LARP1B: variants seen among roughly 807,000 people sequenced by gnomAD.
The protein encoded by LARP1B is la-related protein 1B.
Under a neutral mutation model 114.2 loss-of-function variants are expected in LARP1B, and 76 were observed. That is an observed-to-expected ratio of 0.67 (90% confidence interval 0.55 to 0.81). LARP1B has a LOEUF of 0.81. Among genes scored for constraint, LARP1B ranks in the 30% least tolerant of loss-of-function variants. The pLI is 0.00. For synonymous variants in LARP1B, 345 were observed against 348.0 expected (o/e 0.99, Z 0.10); for missense variants, 1,014 against 1,075.8 (o/e 0.94, Z 0.80).
At chr4:128,100,795 C>CT (rs1302136098) in intron 8 of LARP1B, among the ~76,000 whole-genome samples, 1 of 149,396 alleles carries the variant, frequency 6.7e-6, no homozygotes, top group Non-Finnish European at 1.5e-5. Flanking sequence ...TTTTCATTTT[C>CT]TTTTCTTTTC....
chr4:128,108,856 C>G lies in LARP1B; in HGVS notation c.988+1543C>G, dbSNP rs907076196. ...GGTCAGTCAAGTTGGTAATGCCTGT[C>G]CATTAACCATTTATGCATACTAATA... On this transcript the variant is annotated intron_variant, in intron 9 of 19. Coordinates refer to ENST00000326639, the MANE Select transcript of LARP1B (RefSeq NM_018078.4). 4.1e-6 allele frequency: 4 copies of G among 977,566 alleles called. No individual in the cohort carries two copies. In the East Asian group the frequency reaches 4.5e-4, roughly 111 times the overall value. 60.6% of individuals were successfully genotyped at this position (977,566 alleles called of 1,614,324 possible).
chr4:128,146,812 G>T (rs533903156), intron 11 of LARP1B, among the ~76,000 whole-genome samples: 1 of 152,308 alleles, frequency 6.6e-6, no homozygotes, highest in East Asian at 1.9e-4. Context: ...CTGGATGAAA[G>T]AATTTTGAGA....
chr4:128,148,938 C>A (rs1440929970), intron 11 of LARP1B, among the ~76,000 whole-genome samples: 3 of 152,108 alleles, frequency 2.0e-5, no homozygotes, highest in Non-Finnish European at 4.4e-5. Flanking sequence ...GAGGCTAATA[C>A]TTAAAATAAT....
intron 8 of LARP1B, among the ~76,000 whole-genome samples, chr4:128,100,131 T>C (rs1280959141): frequency 2.0e-5 from 3 of 151,524 alleles, no homozygotes; most frequent in Non-Finnish European, 1.5e-5. Flanking sequence ...AGCTAATTTT[T>C]AAATATTTTT....
At chr4:128,065,273 CTTTCTTTCTT>C in intron 1 of LARP1B, among the ~76,000 whole-genome samples, 1 of 116,068 alleles carries the variant, frequency 8.6e-6, no homozygotes, top group Non-Finnish European at 1.9e-5. Context: ...TTCTTTCTTT[CTTTCTTTCTT>C]TCTTTCTTTC....
intron 15 of LARP1B, among the ~76,000 whole-genome samples, chr4:128,197,604 G>T (rs949166705): frequency 1.3e-5 from 2 of 152,044 alleles, no homozygotes. Context: ...TGAGGCAGGA[G>T]AATCGCTTGA....
Position 128,178,647 on chromosome 4 carries a change from A to G in LARP1B, c.1896+5A>G. ...CCAAAAGCCATTGATGTAAAGGTAT[A>G]CAAAACAACCAGGAATATAAGGCTT... is the stretch of plus-strand genomic sequence containing the variant. On this transcript the variant is annotated splice_donor_5th_base_variant and intron_variant, in intron 14 of 19. Coordinates refer to ENST00000326639, the MANE Select transcript of LARP1B (RefSeq NM_018078.4). The G allele has an allele frequency of 6.2e-7, 1 of 1,602,966 alleles. No homozygotes were observed. The highest frequency in any genetic ancestry group is 8.5e-7 in the Non-Finnish European group (1 of 1,170,272).
rs1396504473 is a variant in LARP1B at position 128,211,530 on chromosome 4, T to C, written c.*1477T>C. On this transcript the variant is annotated 3_prime_UTR_variant, in exon 20 of 20. Transcript: ENST00000326639. ...ATTTTGATGCTTTAAATTGCAGAAA[T>C]AGTCAAATTTGAATATTCAGAAAAT... The C allele has an allele frequency of 2.2e-6, 2 of 913,758 alleles. No individual in the cohort carries two copies. The highest frequency in any genetic ancestry group is 2.6e-6 in the Non-Finnish European group (2 of 764,834). 56.6% of individuals were successfully genotyped at this position (913,758 alleles called of 1,614,324 possible).
chr4:128,092,140 T>C (rs936402552), intron 7 of LARP1B, among the ~76,000 whole-genome samples: 2 of 152,212 alleles, frequency 1.3e-5, no homozygotes, highest in Admixed American at 6.5e-5. Context: ...TCTCTATATA[T>C]ACTTGAAACT....
At chr4:128,061,291 C>G (rs1012043444), upstream of LARP1B, 1 of 152,342 alleles carries the variant, frequency 6.6e-6, no homozygotes, top group Non-Finnish European at 1.5e-5. Context: ...CCCTCTTCGC[C>G]GTCTCCACGC....
At chr4:128,153,339 C>T (rs984492615) in intron 11 of LARP1B, among the ~76,000 whole-genome samples, 2 of 145,570 alleles carry the variant, frequency 1.4e-5, no homozygotes, top group Admixed American at 1.4e-4. Context: ...ATTTATGAGA[C>T]AGACTCTCAG....
chr4:128,111,036 A>G (rs1384633332), intron 9 of LARP1B, among the ~76,000 whole-genome samples: 1 of 148,878 alleles, frequency 6.7e-6, no homozygotes, highest in Non-Finnish European at 1.5e-5. Context: ...CATACCAAAA[A>G]CTCATAATTT....
intron 15 of LARP1B, among the ~76,000 whole-genome samples, chr4:128,189,089 G>C (rs1328246615): frequency 6.6e-6 from 1 of 152,024 alleles, no homozygotes; most frequent in Non-Finnish European, 1.5e-5. Context: ...TGAGAGATGG[G>C]TGTTGAAGCC....
intron 8 of LARP1B, among the ~76,000 whole-genome samples, chr4:128,100,309 G>C (rs1364075163): frequency 2.7e-5 from 4 of 148,870 alleles, no homozygotes; most frequent in Admixed American, 1.3e-4. Context: ...GTCTCTCTCT[G>C]TCGCCCATGC....
rs75668325 is a variant in LARP1B, at chr4:128,085,912, T to C, written c.358+3607T>C. 1.4e-4 allele frequency among the ~76,000 whole-genome samples: 21 copies of C among 152,320 alleles called. No individual in the cohort carries two copies. The East Asian group carries it at 4.0e-3, about 29-fold the overall frequency. ...ACTGCTACTTGTAGCATTTTACATT[T>C]CCATCAGCAACTTTTTTTCTTTTTG... On this transcript the variant is annotated intron_variant, in intron 5 of 19. Coordinates refer to ENST00000326639, the MANE Select transcript of LARP1B (RefSeq NM_018078.4).
chr4:128,163,801 C>G (rs947602788), intron 12 of LARP1B, among the ~76,000 whole-genome samples: 1 of 152,054 alleles, frequency 6.6e-6, no homozygotes, highest in Non-Finnish European at 1.5e-5. Context: ...TGCCAGTTAT[C>G]AGTTTATTGA....
chr4:128,178,768 C>G, intron 14 of LARP1B, 126 bp downstream of exon 14: 1 of 801,034 alleles, frequency 1.2e-6, no homozygotes, highest in Admixed American at 2.9e-5. Context: ...ACTTAAAAAT[C>G]ATACTTTACC....
In LARP1B at chr4:128,077,687, A is replaced by C. The variant is rs371100818; in HGVS notation, c.43-101A>C. Reference sequence around the variant, plus strand: ...TTTGCCTTTGATAACAGTTTTTGTCATTTGTTTTGCAATTTTAGGTTAGGT... The same window carrying C: ...TTTGCCTTTGATAACAGTTTTTGTCCTTTGTTTTGCAATTTTAGGTTAGGT... On this transcript the variant is annotated intron_variant, in intron 3 of 19. Coordinates refer to ENST00000326639, the MANE Select transcript of LARP1B (RefSeq NM_018078.4). The C allele has an allele frequency of 1.1e-3, 1,341 of 1,254,568 alleles. 6 individuals carry two copies. Among genetic ancestry groups the C allele is most frequent in the South Asian group, 0.01 (485 of 46,326 alleles). The allele number at this position is 1,254,568 out of a possible 1,614,324, so 77.7% of individuals were successfully genotyped here. A position where few individuals can be genotyped will look rare whatever the true frequency, so the allele number is the denominator to read the frequency against.
intron 7 of LARP1B, 147 bp downstream of exon 7, chr4:128,091,659 C>T (rs564667268): frequency 2.0e-4 from 110 of 554,594 alleles, no homozygotes; most frequent in African/African-American, 3.4e-4. Flanking sequence ...TGTAGTGGTA[C>T]GATCTTGGCT....
Sources: gnomAD v4.1 joint callset for allele counts (sites outside exome capture counted in the v4.1 genomes callset) on GRCh38, gnomAD v4.1.1 for gene constraint, MANE v1.5 for transcripts, NCBI Gene and HGNC (gene_info 2026-07-23, HGNC 2026-07-21) for gene names.